GSDMD: variants seen among roughly 807,000 people sequenced by gnomAD.
GSDMD encodes gasdermin-D.
In GSDMD, 46 loss-of-function variants were observed where a neutral mutation model predicts 46.7. That is an observed-to-expected ratio of 0.99 (90% confidence interval 0.78 to 1.26). The LOEUF (loss-of-function observed/expected upper bound fraction) is 1.26, where lower values mean the gene tolerates loss of function less well. Ranked by LOEUF, GSDMD falls within the 50% of genes most tolerant of loss-of-function variation. The pLI is 0.00. For missense variants in GSDMD, 649 were observed against 638.8 expected (o/e 1.02, Z -0.17); for synonymous variants, 307 against 283.1 (o/e 1.08, Z -0.85).
At chr8:143,558,304 A>ACGGTT (rs1823357210), upstream of GSDMD, 1 of 1,512,722 alleles carries the variant, frequency 6.6e-7, no homozygotes, top group Non-Finnish European at 8.8e-7. Context: ...GCTCTCCGGG[A>ACGGTT]CGGTTCCGGG....
chr8:143,554,446 C>T (rs751240465), upstream of GSDMD, among the ~76,000 whole-genome samples: 18 of 149,792 alleles, frequency 1.2e-4, no homozygotes, highest in Admixed American at 8.0e-4. Flanking sequence ...GCACAAAACA[C>T]GGACGTGCAT....
chr8:143,562,307 G>T lies in GSDMD; in HGVS notation c.1095G>T (p.Pro365=), dbSNP rs373406712. ...CLVLSSGMLV[P]ELAIPVVYLL... ...TGTTGTCCTCCGGAATGCTGGTGCC[G>T]GAACTCGCTATCCCTGTTGTCTACC... is the stretch of plus-strand genomic sequence containing the variant. Residue 365 remains proline (P), a synonymous_variant, in exon 9 of 11, where the codon CCG becomes CCT. Coordinates refer to ENST00000262580, the MANE Select transcript of GSDMD (RefSeq NM_024736.7). The T allele has an allele frequency of 1.3e-6, 2 of 1,544,428 alleles. No individual in the cohort carries two copies. The highest frequency in any genetic ancestry group is 3.9e-5 in the Admixed American group (2 of 51,032).
intron 3 of GSDMD, chr8:143,560,393 C>T (rs556679237): frequency 4.7e-6 from 3 of 633,028 alleles, no homozygotes; most frequent in East Asian, 2.7e-5. Flanking sequence ...GGCCGCACCT[C>T]GAGTCTGGAC....
chr8:143,557,549 G>A (rs1340876180), upstream of GSDMD, among the ~76,000 whole-genome samples: 20 of 151,536 alleles, frequency 1.3e-4, no homozygotes, highest in South Asian at 2.1e-4. Context: ...ATCTGTTTGC[G>A]TCTTTGCTTT....
At chr8:143,560,802 C>G (rs1823438612) in intron 4 of GSDMD, 31 bp downstream of exon 4, 5 of 1,493,190 alleles carry the variant, frequency 3.3e-6, no homozygotes, top group Non-Finnish European at 4.5e-6. Flanking sequence ...CACGCCTGGC[C>G]CCCCACGTGG....
upstream of GSDMD, chr8:143,557,736 A>C (rs181648065): frequency 6.9e-6 from 2 of 290,730 alleles, no homozygotes; most frequent in Non-Finnish European, 1.4e-5. Flanking sequence ...TAATACGACC[A>C]TCTTTGTCAG....
chr8:143,559,395 G>A lies in GSDMD; in HGVS notation c.60G>A (p.Gly20=), dbSNP rs1278853639. 1 of 1,612,950 alleles carries A rather than the reference G, an allele frequency of 6.2e-7. No homozygotes were observed. The highest frequency in any genetic ancestry group is 1.7e-5 in the Admixed American group (1 of 60,022). ...RRVVQELDHG[G]EFIPVTSLQS... ...TGGTCCAGGAGCTGGACCATGGTGGGGAGTTCATCCCTGTGACCAGCCTGC... is the reference window on the plus strand; with the variant it reads ...TGGTCCAGGAGCTGGACCATGGTGGAGAGTTCATCCCTGTGACCAGCCTGC... Residue 20 remains glycine, a synonymous_variant, in exon 2 of 11, where the codon GGG becomes GGA. Coordinates refer to ENST00000262580, the MANE Select transcript of GSDMD (RefSeq NM_024736.7).
At position 143,559,380 on chromosome 8, in the gene GSDMD, G is replaced by A; in HGVS notation, c.45G>A (p.Glu15=). Residue 15 remains glutamate (E), a synonymous_variant, in exon 2 of 11, where the codon GAG becomes GAA. Coordinates refer to ENST00000262580, the MANE Select transcript of GSDMD (RefSeq NM_024736.7). ...GGGTAGTCCGGAGAGTGGTCCAGGA[G>A]CTGGACCATGGTGGGGAGTTCATCC... is the stretch of plus-strand genomic sequence containing the variant. The part of the protein sequence containing the change: ...FERVVRRVVQ[E]LDHGGEFIPV... The A allele has an allele frequency of 2.5e-6, 4 of 1,612,834 alleles. No homozygotes were observed. The highest frequency in any genetic ancestry group is 3.4e-6 in the Non-Finnish European group (4 of 1,179,926).
upstream of GSDMD, chr8:143,558,052 G>A (rs1007675324): frequency 1.6e-5 from 6 of 386,888 alleles, no homozygotes; most frequent in African/African-American, 6.4e-5. Flanking sequence ...GCGCCACCAC[G>A]CCGGGCTAAT....
At position 143,561,025 on chromosome 8, in the gene GSDMD, C is replaced by A; in HGVS notation, c.603C>A (p.Ser201Arg). 1 of 1,612,920 alleles carries A rather than the reference C, an allele frequency of 6.2e-7. No individual in the cohort carries two copies. Among genetic ancestry groups the A allele is most frequent in the Non-Finnish European group, 8.5e-7 (1 of 1,179,942 alleles). The change falls in exon 5 of 11, where the codon AGC becomes AGA. Residue 201 changes from serine (S) to arginine (R), a missense_variant. Transcript: ENST00000262580. ...AGGGTGAGGGCCAGGGCCATCTGAG[C>A]CAGAAGAAGACGGTCACCATCCCCT... ...CLQGEGQGHL[S>R]QKKTVTIPSG...
Position 143,560,366 on chromosome 8 carries a change from G to A in GSDMD, c.411-237G>A, listed in dbSNP as rs576182056. On this transcript the variant is annotated intron_variant, in intron 3 of 10. Coordinates refer to ENST00000262580, the MANE Select transcript of GSDMD (RefSeq NM_024736.7). ...TGAGGACAAGGGGTGGTGTGAACAC[G>A]GGGGCCCAGGTGAGGGGGCCGCACC... is the stretch of plus-strand genomic sequence containing the variant. 611 of 647,512 alleles carry A rather than the reference G, an allele frequency of 9.4e-4. 2 individuals carry two copies. The highest frequency in any genetic ancestry group is 3.7e-3 in the East Asian group (137 of 36,614). The allele number at this position is 647,512 out of a possible 1,614,324, so 40.1% of individuals were successfully genotyped here. A position where few individuals can be genotyped will look rare whatever the true frequency, so the allele number is the denominator to read the frequency against.
Position 143,559,926 on chromosome 8 carries a change from C to T in GSDMD, c.367C>T (p.Leu123=). Residue 123 remains leucine (L), a synonymous_variant, in exon 3 of 11, where the codon CTG becomes TTG. Coordinates refer to ENST00000262580, the MANE Select transcript of GSDMD (RefSeq NM_024736.7). ...SSSTSMNVYS[L]SVDPNTWQTL... is the part of the protein sequence containing the mutation. ...CAGCACCTCAATGAATGTGTACTCG[C>T]TGAGTGTGGACCCTAACACCTGGCA... 1 of 1,612,810 alleles carries T rather than the reference C, an allele frequency of 6.2e-7. No homozygotes were observed. The highest frequency in any genetic ancestry group is 8.5e-7 in the Non-Finnish European group (1 of 1,179,978).
chr8:143,557,393 G>A (rs541595653), upstream of GSDMD, among the ~76,000 whole-genome samples: 11 of 149,090 alleles, frequency 7.4e-5, no homozygotes, highest in African/African-American at 2.3e-4. Flanking sequence ...GGATGATGCC[G>A]CTGTGACGAC....
chr8:143,555,474 C>G (rs1823283641), upstream of GSDMD, among the ~76,000 whole-genome samples: 1 of 152,212 alleles, frequency 6.6e-6, no homozygotes, highest in Non-Finnish European at 1.5e-5. Context: ...TCTGCCCCAG[C>G]CAGGACCTTG....
At chr8:143,559,291 C>CCCCCCCCCCCCCCCA in intron 1 of GSDMD, 41 bp from the exon 2 acceptor site, 1 of 753,812 alleles carries the variant, frequency 1.3e-6, no homozygotes, top group Non-Finnish European at 2.3e-6. Context: ...CCCTCCCGCC[C>CCCCCCCCCCCCCCCA]GCCCCGAGAG....
upstream of GSDMD, among the ~76,000 whole-genome samples, chr8:143,557,571 G>C (rs1399375462): frequency 6.6e-6 from 1 of 151,762 alleles, no homozygotes; most frequent in African/African-American, 2.4e-5. Flanking sequence ...AATTCCTGTG[G>C]GTGGAGCTAG....
chr8:143,559,141 C>T, intron 1 of GSDMD, 191 bp from the exon 2 acceptor site: 1 of 604,050 alleles, frequency 1.7e-6, no homozygotes, highest in African/African-American at 1.9e-5. Flanking sequence ...AGGGAGAACA[C>T]TGTAATTCTG....
chr8:143,558,438 CGCCGACG>C lies in GSDMD; in HGVS notation c.-16_-10del. The stretch of plus-strand genomic sequence containing the variant: ...CGCGCCAGACGCGCCACCCTCGGGG[CGCCGACG>C]GTCACGGTGAGCTGCGCCCCGCCCC... On this transcript the variant is annotated 5_prime_UTR_variant, in exon 1 of 11. Transcript: ENST00000262580. 6.7e-7 allele frequency: 1 copy of C among 1,502,954 alleles called. No individual in the cohort carries two copies. The highest frequency in any genetic ancestry group is 8.8e-7 in the Non-Finnish European group (1 of 1,132,534). The allele number at this position is 1,502,954 out of a possible 1,614,324, so 93.1% of individuals were successfully genotyped here.
intron 3 of GSDMD, 34 bp downstream of exon 3, chr8:143,560,003 C>A (rs747014590): frequency 3.3e-6 from 5 of 1,533,558 alleles, no homozygotes; most frequent in Middle Eastern, 1.7e-4. Context: ...GGGCAGGGCC[C>A]CACCTACCCC....
Sources: gnomAD v4.1 joint callset for allele counts (sites outside exome capture counted in the v4.1 genomes callset) on GRCh38, gnomAD v4.1.1 for gene constraint, MANE v1.5 for transcripts, NCBI Gene and HGNC (gene_info 2026-07-23, HGNC 2026-07-21) for gene names.